CYTH1: variants seen among roughly 807,000 people sequenced by gnomAD.
CYTH1 encodes the protein cytohesin 1.
A neutral mutation model predicts 61.8 loss-of-function variants in CYTH1; 18 were observed. The observed-to-expected ratio is 0.29, with a 90% CI of 0.20 to 0.43. The LOEUF is 0.43. Ranked by LOEUF, CYTH1 falls within the 20% of genes least tolerant of loss-of-function variation. The pLI, the probability that CYTH1 is intolerant of heterozygous loss-of-function variation, is 1.00. For synonymous variants in CYTH1, 174 were observed against 184.3 expected, an observed-to-expected ratio of 0.94 and a Z score of 0.45; for missense variants, 336 against 510.5, an observed-to-expected ratio of 0.66 and a Z score of 3.29.
At chr17:78,733,076 C>CAAAAAAAAAAA (rs56020680) in intron 1 of CYTH1, among the ~76,000 whole-genome samples, 2 of 47,722 alleles carry the variant, frequency 4.2e-5, no homozygotes, top group East Asian at 9.3e-4. Context: ...GACTCCATCT[C>CAAAAAAAAAAA]AAAAAAAAAA....
At chr17:78,726,552 C>T (rs1041636098) in intron 1 of CYTH1, among the ~76,000 whole-genome samples, 6 of 152,084 alleles carry the variant, frequency 3.9e-5, no homozygotes, top group African/African-American at 9.6e-5. Context: ...AGGTGCTATG[C>T]GGAGTGGGGC....
chr17:78,768,669 G>C (rs2093458501), intron 1 of CYTH1, among the ~76,000 whole-genome samples: 1 of 151,928 alleles, frequency 6.6e-6, no homozygotes, highest in African/African-American at 2.4e-5. Context: ...CCCACAGCCT[G>C]AATTCAAGCC....
At chr17:78,765,724 A>G (rs1193454045) in intron 1 of CYTH1, among the ~76,000 whole-genome samples, 1 of 152,230 alleles carries the variant, frequency 6.6e-6, no homozygotes, top group African/African-American at 2.4e-5. Flanking sequence ...CCACAGCACA[A>G]GACAGTGGTG....
chr17:78,685,768 T>C (rs536972403), intron 11 of CYTH1, among the ~76,000 whole-genome samples: 17 of 152,362 alleles, frequency 1.1e-4, no homozygotes, highest in South Asian at 1.0e-3. Flanking sequence ...TCACATGTTT[T>C]CTTCAGGAGA....
At chr17:78,769,877 C>T (rs1007875372) in intron 1 of CYTH1, among the ~76,000 whole-genome samples, 1 of 151,808 alleles carries the variant, frequency 6.6e-6, no homozygotes, top group Non-Finnish European at 1.5e-5. Context: ...ATTGGCCAGG[C>T]ACAGTGGCTC....
intron 4 of CYTH1, 55 bp from the exon 5 acceptor site, chr17:78,702,295 G>A: frequency 7.0e-7 from 1 of 1,428,886 alleles, no homozygotes; most frequent in East Asian, 2.3e-5. Flanking sequence ...CAGTTGAAAA[G>A]AAGGGGAAAG....
intron 1 of CYTH1, among the ~76,000 whole-genome samples, chr17:78,741,879 G>A (rs1334668097): frequency 1.3e-5 from 2 of 152,190 alleles, no homozygotes; most frequent in Non-Finnish European, 2.9e-5. Context: ...AAGGTGTCGG[G>A]TGCAACCCTC....
intron 1 of CYTH1, among the ~76,000 whole-genome samples, chr17:78,742,762 G>A (rs1019255400): frequency 2.6e-5 from 4 of 152,198 alleles, no homozygotes; most frequent in Non-Finnish European, 5.9e-5. Flanking sequence ...GGCTGAGGCA[G>A]GAGAATCACT....
chr17:78,752,343 A>C (rs534469504), intron 1 of CYTH1, among the ~76,000 whole-genome samples: 1 of 152,334 alleles, frequency 6.6e-6, no homozygotes, highest in South Asian at 2.1e-4. Context: ...TACCTTTAAA[A>C]AGTACCTAAT....
At chr17:78,754,446 C>T (rs898473724) in intron 1 of CYTH1, among the ~76,000 whole-genome samples, 2 of 151,914 alleles carry the variant, frequency 1.3e-5, no homozygotes, top group African/African-American at 4.8e-5. Context: ...CTGGTTTAAG[C>T]AATCCTCCCA....
chr17:78,699,127 G>T (rs1490735852), intron 7 of CYTH1, among the ~76,000 whole-genome samples, 159 bp from the exon 8 acceptor site: 1 of 152,182 alleles, frequency 6.6e-6, no homozygotes, highest in Non-Finnish European at 1.5e-5. Flanking sequence ...TGCACTTTGG[G>T]AGGCCAAGGC....
intron 1 of CYTH1, 146 bp downstream of exon 1, chr17:78,782,056 C>G (rs2093520960): frequency 1.4e-6 from 1 of 706,876 alleles, no homozygotes; most frequent in Admixed American, 5.3e-5. Context: ...CCCCGCGCAC[C>G]GCTCGCCCGC....
chr17:78,707,682 A>ATTT lies in CYTH1; in HGVS notation c.170+512_170+514dup, dbSNP rs140347768. ...GGGACCTTTGAAGTTCTCCAGTTCAATTTTTTTTTTTTTTTTTGAGACGGA... is the reference window on the plus strand; with the variant it reads ...GGGACCTTTGAAGTTCTCCAGTTCAATTTTTTTTTTTTTTTTTTTTGAGACGGA... On this transcript the variant is annotated intron_variant, in intron 3 of 13. Transcript: ENST00000446868. 5.6e-3 allele frequency among the ~76,000 whole-genome samples: 799 copies of ATTT among 141,866 alleles called. 34 individuals carry two copies. In the East Asian group the frequency reaches 0.11, roughly 20 times the overall value. 93.1% of individuals were successfully genotyped at this position (141,866 alleles called of 152,430 possible).
At chr17:78,771,051 C>T (rs1026226459) in intron 1 of CYTH1, among the ~76,000 whole-genome samples, 1 of 151,228 alleles carries the variant, frequency 6.6e-6, no homozygotes, top group Admixed American at 6.6e-5. Context: ...TCACATGAGG[C>T]CAGGAGTTTG....
intron 4 of CYTH1, 99 bp downstream of exon 4, chr17:78,702,439 G>A: frequency 3.0e-6 from 4 of 1,321,504 alleles, no homozygotes; most frequent in Non-Finnish European, 3.2e-6. Flanking sequence ...ACGGCAACAT[G>A]AACTGTAACG....
chr17:78,695,923 A>C, intron 10 of CYTH1, 84 bp downstream of exon 10: 1 of 1,361,374 alleles, frequency 7.3e-7, no homozygotes, highest in Non-Finnish European at 9.8e-7. Context: ...AAAAAACAAA[A>C]TAACCAAAAA....
At chr17:78,726,406 G>T (rs553125912) in intron 1 of CYTH1, among the ~76,000 whole-genome samples, 2 of 150,504 alleles carry the variant, frequency 1.3e-5, no homozygotes, top group South Asian at 2.1e-4. Flanking sequence ...TGTGGAAGAG[G>T]CCCCCTGTCA....
chr17:78,688,421 C>T (rs547146491), intron 11 of CYTH1, among the ~76,000 whole-genome samples: 2 of 152,310 alleles, frequency 1.3e-5, no homozygotes, highest in South Asian at 2.1e-4. Context: ...CAGAGTGACT[C>T]GTTAATCCTC....
Position 78,681,036 on chromosome 17 carries a change from C to T in CYTH1, c.898G>A (p.Glu300Lys). Residue 300 changes from glutamate to lysine, a missense_variant, in exon 12 of 14, where the codon GAG (glutamate) becomes AAG (lysine). Glu to Lys is a moderately conservative substitution (Grantham distance 56). Coordinates refer to ENST00000446868, the MANE Select transcript of CYTH1 (RefSeq NM_004762.6). ...TCTAAAGGGATGATTCCACGGGGCT[C>T]CTTATCCTACAGAACAGTTGAAGAG... is the stretch of plus-strand genomic sequence containing the variant. Reference protein sequence around the residue: ...LYYFEYTTDKEPRGIIPLENL... With the variant: ...LYYFEYTTDKKPRGIIPLENL... 1 of 1,613,990 alleles carries T rather than the reference C, an allele frequency of 6.2e-7. No individual in the cohort carries two copies. Among genetic ancestry groups the T allele is most frequent in the Non-Finnish European group, 8.5e-7 (1 of 1,179,970 alleles).
Sources: allele counts gnomAD v4.1 joint callset (sites outside exome capture counted in the v4.1 genomes callset), GRCh38; gene constraint gnomAD v4.1.1; transcripts MANE v1.5; gene names NCBI Gene and HGNC (gene_info 2026-07-23, HGNC 2026-07-21).